PCSK9: variants seen among roughly 807,000 people sequenced by gnomAD.
PCSK9 encodes convertase subtilisin/kexin type 9 preproprotein.
In PCSK9, 57 loss-of-function variants were observed where a neutral mutation model predicts 62.1. The ratio of observed to expected loss-of-function variants is 0.92; its 90% CI spans 0.74 to 1.14. The LOEUF (loss-of-function observed/expected upper bound fraction) is 1.14. Among genes scored for constraint, PCSK9 ranks in the 50% most tolerant of loss-of-function variants. The pLI, the probability that PCSK9 is intolerant of heterozygous loss-of-function variation, is 0.00. For synonymous variants in PCSK9, 387 were observed against 409.4 expected (o/e 0.95, Z 0.66); for missense variants, 870 against 959.8 (o/e 0.91, Z 1.24).
At position 55,040,771 on chromosome 1, in the gene PCSK9, G is replaced by T. The variant is rs1172697830; in HGVS notation, c.207+727G>T. 2.0e-5 allele frequency among the ~76,000 whole-genome samples: 3 copies of T among 152,222 alleles called. No homozygotes were observed. Among genetic ancestry groups the T allele is most frequent in the Non-Finnish European group, 4.4e-5 (3 of 68,036 alleles). On this transcript the variant is annotated intron_variant, in intron 1 of 11. Coordinates refer to ENST00000302118, the MANE Select transcript of PCSK9 (RefSeq NM_174936.4). This position sits in a 1 kb window ranked among gnomAD's most constrained non-coding sequence, Gnocchi z 4.1. The stretch of plus-strand genomic sequence containing the variant: ...CTCTGGAGCCGGAGGTGGTGCGCCT[G>T]GTACTGGGACCCCGGAGCTGAGCCC...
At chr1:55,059,300 A>G (rs1644741200) in intron 9 of PCSK9, among the ~76,000 whole-genome samples, 186 bp from the exon 10 acceptor site, 1 of 152,198 alleles carries the variant, frequency 6.6e-6, no homozygotes, top group Admixed American at 6.5e-5. Flanking sequence ...TTGAGTATTC[A>G]GAGCTGCCCA....
rs1473950917 is a variant in PCSK9, at chr1:55,039,796, C to T, written c.-42C>T. The T allele has an allele frequency of 2.6e-6, 4 of 1,567,090 alleles. No individual in the cohort carries two copies. Among genetic ancestry groups the T allele is most frequent in the Non-Finnish European group, 3.5e-6 (4 of 1,156,644 alleles). On this transcript the variant is annotated 5_prime_UTR_variant, in exon 1 of 12. Coordinates refer to ENST00000302118, the MANE Select transcript of PCSK9 (RefSeq NM_174936.4). The stretch of plus-strand genomic sequence containing the variant: ...CGCCGGCGTGGACCGCGCACGGCCT[C>T]TAGGTCTCCTCGCCAGGACAGCAAC...
chr1:55,047,371 G>A (rs1023264647), intron 3 of PCSK9, among the ~76,000 whole-genome samples: 3 of 152,216 alleles, frequency 2.0e-5, no homozygotes, highest in Non-Finnish European at 2.9e-5. Flanking sequence ...GGAGCTCAGC[G>A]CAGAGATGAT....
intron 3 of PCSK9, among the ~76,000 whole-genome samples, chr1:55,047,344 C>T (rs1644641572): frequency 1.3e-5 from 2 of 152,162 alleles, no homozygotes; most frequent in Non-Finnish European, 2.9e-5. Flanking sequence ...GTTTGAGGTG[C>T]CCATGGTGTG....
intron 10 of PCSK9, among the ~76,000 whole-genome samples, chr1:55,061,031 G>C (rs1644755125): frequency 6.6e-6 from 1 of 152,188 alleles, no homozygotes; most frequent in Non-Finnish European, 1.5e-5. Context: ...TTGAACTTCT[G>C]CCTGCTGGCT....
In PCSK9 at chr1:55,055,581, G is replaced by A. The variant is rs998375462; in HGVS notation, c.800-412G>A. 2.0e-5 allele frequency among the ~76,000 whole-genome samples: 3 copies of A among 152,308 alleles called. No individual in the cohort carries two copies. The East Asian group carries it at 5.8e-4, about 29-fold the overall frequency. On this transcript the variant is annotated intron_variant, in intron 5 of 11. Transcript: ENST00000302118. ...AGAACCAGTAGGATGTATATATTAA[G>A]AGTTTCAAGCTCATGTGACCGTGCG...
intron 5 of PCSK9, among the ~76,000 whole-genome samples, chr1:55,053,195 A>G (rs926247291): frequency 6.6e-6 from 1 of 152,002 alleles, no homozygotes; most frequent in Non-Finnish European, 1.5e-5. Context: ...GGACTCACTC[A>G]CTTGCATGAC....
chr1:55,056,132 C>T lies in PCSK9; in HGVS notation c.939C>T (p.Thr313=), dbSNP rs534113572. Reference sequence around the variant, plus strand: ...CGAGGGCTGGGGTCGTGCTGGTCACCGCTGCCGGCAACTTCCGGGACGATG... The same window carrying T: ...CGAGGGCTGGGGTCGTGCTGGTCACTGCTGCCGGCAACTTCCGGGACGATG... ...RLARAGVVLV[T]AAGNFRDDAC... is the part of the protein sequence containing the mutation. Residue 313 remains threonine (T), a synonymous_variant, in exon 6 of 12, where the codon ACC becomes ACT. Coordinates refer to ENST00000302118, the MANE Select transcript of PCSK9 (RefSeq NM_174936.4). 2.5e-5 allele frequency: 39 copies of T among 1,563,528 alleles called. No individual in the cohort carries two copies. Among genetic ancestry groups the T allele is most frequent in the East Asian group, 7.0e-5 (3 of 42,918 alleles).
chr1:55,048,921 T>C (rs1370144361), intron 3 of PCSK9, among the ~76,000 whole-genome samples: 1 of 152,228 alleles, frequency 6.6e-6, no homozygotes, highest in African/African-American at 2.4e-5. Context: ...CATTCAATAA[T>C]AACGTTTTGA....
chr1:55,050,863 A>G, intron 3 of PCSK9: 1 of 318,736 alleles, frequency 3.1e-6, no homozygotes, highest in Non-Finnish European at 6.1e-6. Flanking sequence ...AGGTCTTTGT[A>G]GATGTAATTA....
intron 5 of PCSK9, among the ~76,000 whole-genome samples, chr1:55,055,265 G>A (rs150119739): frequency 0.03 from 4,535 of 152,278 alleles, 104 homozygotes; most frequent in Non-Finnish European, 0.048. Context: ...AAGTTTGTGT[G>A]GGTCCAACAC....
chr1:55,056,253 G>T, intron 6 of PCSK9, 64 bp downstream of exon 6: 1 of 1,039,600 alleles, frequency 9.6e-7, no homozygotes, highest in South Asian at 2.6e-5. Flanking sequence ...GCGGAGGGAG[G>T]GCGGGCGGGC....
At chr1:55,057,922 CTGTG>C in intron 7 of PCSK9, 110 bp from the exon 8 acceptor site, 3 of 1,423,690 alleles carry the variant, frequency 2.1e-6, no homozygotes, top group Non-Finnish European at 3.0e-6. Context: ...AGCTTAGTGT[CTGTG>C]TGCACGTGTG....
At chr1:55,062,727 G>A (rs1159578239) in intron 11 of PCSK9, among the ~76,000 whole-genome samples, 1 of 152,220 alleles carries the variant, frequency 6.6e-6, no homozygotes, top group Non-Finnish European at 1.5e-5. Context: ...GGGTGCCTCA[G>A]AGGGGACAGG....
chr1:55,055,320 G>C (rs998429603), intron 5 of PCSK9, among the ~76,000 whole-genome samples: 1 of 98,528 alleles, frequency 1.0e-5, no homozygotes, highest in Admixed American at 1.3e-4. Flanking sequence ...CTCAGAGAGT[G>C]GCGGGGGAAG....
intron 3 of PCSK9, among the ~76,000 whole-genome samples, chr1:55,050,063 C>T (rs185927385): frequency 6.6e-5 from 10 of 152,350 alleles, no homozygotes; most frequent in East Asian, 3.9e-4. Context: ...GTGTGGCTTA[C>T]GTCCAGGGAG....
chr1:55,046,417 G>C lies in PCSK9; in HGVS notation c.400-106G>C. 2.6e-6 allele frequency: 4 copies of C among 1,546,034 alleles called. No individual in the cohort carries two copies. In the Admixed American group the frequency reaches 6.7e-5, roughly 26 times the overall value. ...CAGGGACAAGGTGGGAGGCTGCTGG[G>C]CTGGGATGTGGGGACAGGTTTGATC... On this transcript the variant is annotated intron_variant, in intron 2 of 11. Transcript: ENST00000302118.
chr1:55,039,766 G>C lies in PCSK9; in HGVS notation c.-72G>C. On this transcript the variant is annotated 5_prime_UTR_variant, in exon 1 of 12. Coordinates refer to ENST00000302118, the MANE Select transcript of PCSK9 (RefSeq NM_174936.4). ...CAGTCCTCCCCACCGCAAGGCTCAA[G>C]GCGCCGCCGGCGTGGACCGCGCACG... 6.5e-7 allele frequency: 1 copy of C among 1,533,108 alleles called. No individual in the cohort carries two copies. The highest frequency in any genetic ancestry group is 1.2e-5 in the South Asian group (1 of 84,152). 95.0% of individuals were successfully genotyped at this position (1,533,108 alleles called of 1,614,324 possible).
At chr1:55,044,512 C>T (rs961955387) in intron 2 of PCSK9, among the ~76,000 whole-genome samples, 2 of 152,168 alleles carry the variant, frequency 1.3e-5, no homozygotes, top group South Asian at 4.1e-4. Flanking sequence ...GGCCCTCCTC[C>T]CTCCTGGATG....
Sources: allele counts gnomAD v4.1 joint callset (sites outside exome capture counted in the v4.1 genomes callset), GRCh38; gene constraint gnomAD v4.1.1; non-coding constraint Gnocchi (gnomAD v3.1); transcripts MANE v1.5; gene names NCBI Gene and HGNC (gene_info 2026-07-23, HGNC 2026-07-21).